The following TBC1D4 variants were observed in gnomAD, a reference collection of about 807,000 sequenced individuals.
TBC1D4 encodes TBC1 domain family member 4, also known as TBC (Tre-2, BUB2, CDC16) domain-containing protein.
TBC1D4 carries 121 observed loss-of-function variants against 142.5 expected under a neutral mutation model. That is an observed-to-expected ratio of 0.85 (90% confidence interval 0.73 to 0.99). The LOEUF (loss-of-function observed/expected upper bound fraction) is 0.99, where lower values mean the gene tolerates loss of function less well. Among genes scored for constraint, TBC1D4 ranks in the 50% least tolerant of loss-of-function variants. TBC1D4 has a pLI of 0.00. For missense variants in TBC1D4, 1,475 were observed against 1,606.6 expected, an observed-to-expected ratio of 0.92 and a Z score of 1.40; for synonymous variants, 630 against 628.2, an observed-to-expected ratio of 1.00 and a Z score of -0.04.
chr13:75,294,574 T>G (rs763891481), intron 18 of TBC1D4, among the ~76,000 whole-genome samples: 46 of 152,216 alleles, frequency 3.0e-4, no homozygotes, highest in Non-Finnish European at 5.1e-4. Context: ...AGGAGTATAC[T>G]CTCTGATTTT....
chr13:75,365,760 G>T (rs984130278), intron 1 of TBC1D4, among the ~76,000 whole-genome samples: 2 of 152,118 alleles, frequency 1.3e-5, no homozygotes, highest in African/African-American at 4.8e-5. Context: ...ACTGAGTTGG[G>T]GGGATTTTGT....
chr13:75,348,954 AGTGTGT>A (rs55954112), intron 5 of TBC1D4, among the ~76,000 whole-genome samples: 1,691 of 139,060 alleles, frequency 0.012, 15 homozygotes, highest in South Asian at 0.065. Context: ...AGAGAGAGAG[AGTGTGT>A]GTGTGTGTGT....
intron 12 of TBC1D4, among the ~76,000 whole-genome samples, chr13:75,317,130 C>A (rs1004768363): frequency 6.6e-6 from 1 of 152,148 alleles, no homozygotes; most frequent in Admixed American, 6.5e-5. Flanking sequence ...AGTGAAGGAA[C>A]CAGGATGCAA....
chr13:75,310,943 C>T (rs1167862624), intron 13 of TBC1D4, among the ~76,000 whole-genome samples: 6 of 152,118 alleles, frequency 3.9e-5, no homozygotes, highest in African/African-American at 4.8e-5. Flanking sequence ...GGATAATAAC[C>T]TCCAGCTACA....
At chr13:75,443,683 C>G (rs144652940) in intron 1 of TBC1D4, among the ~76,000 whole-genome samples, 1 of 152,178 alleles carries the variant, frequency 6.6e-6, no homozygotes, top group Admixed American at 6.5e-5. Context: ...CAGTCAACTT[C>G]GCTTTCCTTC....
intron 12 of TBC1D4, among the ~76,000 whole-genome samples, chr13:75,319,266 C>T (rs1662050510): frequency 6.6e-6 from 1 of 152,120 alleles, no homozygotes; most frequent in Admixed American, 6.5e-5. Context: ...ACTCTAGCTA[C>T]AAAGAAATCT....
intron 1 of TBC1D4, among the ~76,000 whole-genome samples, chr13:75,412,034 G>A (rs1035675820): frequency 6.6e-6 from 1 of 152,160 alleles, no homozygotes; most frequent in African/African-American, 2.4e-5. Context: ...CAAGTTGGGG[G>A]GTAGGCCTAG....
At chr13:75,372,129 T>C (rs1237958534) in intron 1 of TBC1D4, among the ~76,000 whole-genome samples, 2 of 152,146 alleles carry the variant, frequency 1.3e-5, no homozygotes, top group African/African-American at 4.8e-5. Context: ...TAAAGAACGT[T>C]CTTTATTTTC....
intron 1 of TBC1D4, among the ~76,000 whole-genome samples, chr13:75,394,787 T>C (rs905642238): frequency 1.3e-5 from 2 of 152,232 alleles, no homozygotes; most frequent in Admixed American, 6.5e-5. Flanking sequence ...CTGCAAATAA[T>C]GTTATTGTAC....
chr13:75,481,814 C>T lies in TBC1D4; in HGVS notation c.-47G>A. ...CCGCGGAGGCCGGCCGGGCGCACCG[C>T]GCCCCCCACTCCCGCGCAGAAGGCG... On this transcript the variant is annotated 5_prime_UTR_variant, in exon 1 of 21. Transcript: ENST00000377636. 2 of 1,450,914 alleles carry T rather than the reference C, an allele frequency of 1.4e-6. No homozygotes were observed. Among genetic ancestry groups the T allele is most frequent in the Admixed American group, 3.0e-5 (1 of 33,798 alleles). The allele number at this position is 1,450,914 out of a possible 1,614,324, so 89.9% of individuals were successfully genotyped here.
In TBC1D4 at chr13:75,415,997, A is replaced by G. The variant is rs1235872120; in HGVS notation, c.499-53390T>C. On this transcript the variant is annotated intron_variant, in intron 1 of 20. Transcript: ENST00000377636. ...CAATCTGACTCACTAGGAATTGTGC[A>G]ATACACTTTGATTTGTAACTGAAAT... Among the ~76,000 whole-genome samples, 4 of 152,222 alleles carry G rather than the reference A, an allele frequency of 2.6e-5. No individual in the cohort carries two copies. The East Asian group carries it at 7.7e-4, about 29-fold the overall frequency.
intron 8 of TBC1D4, among the ~76,000 whole-genome samples, chr13:75,333,464 CTTTG>C (rs913409189): frequency 5.3e-5 from 8 of 152,160 alleles, no homozygotes; most frequent in Non-Finnish European, 1.0e-4. Flanking sequence ...AAAACGATCA[CTTTG>C]TTTCTCTTTT....
intron 1 of TBC1D4, among the ~76,000 whole-genome samples, chr13:75,472,437 T>TA (rs1166439679): frequency 6.6e-6 from 1 of 151,290 alleles, no homozygotes; most frequent in Non-Finnish European, 1.5e-5. Flanking sequence ...AAAATAAAAA[T>TA]AAAAAAAAGA....
At chr13:75,473,990 G>A (rs1461061527) in intron 1 of TBC1D4, among the ~76,000 whole-genome samples, 4 of 151,914 alleles carry the variant, frequency 2.6e-5, no homozygotes, top group African/African-American at 7.3e-5. Context: ...TTATTCCCCC[G>A]CCATACTTAA....
chr13:75,297,757 C>CAA (rs72187869), intron 17 of TBC1D4, among the ~76,000 whole-genome samples: 3 of 80,074 alleles, frequency 3.7e-5, no homozygotes, highest in African/African-American at 4.6e-5. Context: ...ACTCCGTCTC[C>CAA]AAAAAAAAAA....
intron 1 of TBC1D4, among the ~76,000 whole-genome samples, chr13:75,410,697 G>A (rs1167408181): frequency 6.6e-6 from 1 of 152,056 alleles, no homozygotes. Flanking sequence ...AGCACTTTGG[G>A]AGGCCGAGGC....
intron 8 of TBC1D4, among the ~76,000 whole-genome samples, chr13:75,333,622 G>T (rs1208585473): frequency 6.6e-6 from 1 of 152,092 alleles, no homozygotes; most frequent in Non-Finnish European, 1.5e-5. Flanking sequence ...CTATAAAAAA[G>T]GACATTCTCC....
chr13:75,329,342 A>G (rs1879551340), intron 8 of TBC1D4, among the ~76,000 whole-genome samples: 1 of 151,904 alleles, frequency 6.6e-6, no homozygotes, highest in African/African-American at 2.4e-5. Context: ...AAACTCTCCT[A>G]CAGTTCACAA....
intron 20 of TBC1D4, 85 bp from the exon 21 acceptor site, chr13:75,287,110 A>T: frequency 9.2e-7 from 1 of 1,091,232 alleles, no homozygotes; most frequent in East Asian, 2.4e-5. Flanking sequence ...AATTACTTCA[A>T]ATTACTTAAT....
Sources: allele counts gnomAD v4.1 joint callset (sites outside exome capture counted in the v4.1 genomes callset), GRCh38; gene constraint gnomAD v4.1.1; transcripts MANE v1.5; gene names NCBI Gene and HGNC (gene_info 2026-07-23, HGNC 2026-07-21).